The following RBM34 variants were observed in gnomAD, a reference collection of about 807,000 sequenced individuals.
The protein encoded by RBM34 is RNA binding motif protein 34.
In RBM34, 39 loss-of-function variants were observed where a neutral mutation model predicts 44.6. The ratio of observed to expected loss-of-function variants is 0.87; its 90% CI spans 0.68 to 1.14. The LOEUF is 1.14. RBM34 is among the 50% of genes most tolerant of loss of function. The pLI is 0.00. For missense variants in RBM34, 572 were observed against 517.9 expected, an observed-to-expected ratio of 1.10 and a Z score of -1.01; for synonymous variants, 194 against 184.0, an observed-to-expected ratio of 1.05 and a Z score of -0.44.
intron 10 of RBM34, among the ~76,000 whole-genome samples, chr1:235,134,334 A>G (rs954168670): frequency 7.2e-5 from 11 of 151,838 alleles, no homozygotes; most frequent in Admixed American, 2.6e-4. Context: ...TTACTTGTAT[A>G]TTTTTTTGTA....
At chr1:235,159,491 T>C (rs969130067) in intron 3 of RBM34, among the ~76,000 whole-genome samples, 4 of 148,346 alleles carry the variant, frequency 2.7e-5, no homozygotes, top group African/African-American at 1.0e-4. Context: ...GAGGTTGCAG[T>C]GAGTCAAGAT....
At chr1:235,141,098 G>A (rs34629680) in intron 6 of RBM34, among the ~76,000 whole-genome samples, 2,564 of 138,332 alleles carry the variant, frequency 0.019, 177 homozygotes, top group East Asian at 0.18. Context: ...TACACCAATC[G>A]GCACTCTGTA....
Position 235,155,034 on chromosome 1 carries a change from A to G in RBM34, c.444T>C (p.Pro148=). The change falls in exon 4 of 11, where the codon CCT becomes CCC. Residue 148 remains proline, a synonymous_variant. Transcript: ENST00000408888. ...TTTTTCTATCTGCTACTTTAACACCAGGTTGAGAATTTTTCCTTTTCTGCC... is the reference window on the plus strand; with the variant it reads ...TTTTTCTATCTGCTACTTTAACACCGGGTTGAGAATTTTTCCTTTTCTGCC... ...KQGQKRKNSQ[P]GVKVADRKIL... The G allele has an allele frequency of 4.3e-6, 7 of 1,614,028 alleles. No homozygotes were observed. Among genetic ancestry groups the G allele is most frequent in the Non-Finnish European group, 5.9e-6 (7 of 1,179,994 alleles).
rs572641037 is a variant in RBM34, at chr1:235,134,313, C to T, written c.1008+1339G>A. The stretch of plus-strand genomic sequence containing the variant: ...TGGTGGGATTACAGGCGTGAGCCAC[C>T]GCACCCAGCCTTACTTGTATATTTT... On this transcript the variant is annotated intron_variant, in intron 10 of 10. Coordinates refer to ENST00000408888, the MANE Select transcript of RBM34 (RefSeq NM_015014.4). Among the ~76,000 whole-genome samples the T allele has an allele frequency of 7.9e-5, 12 of 152,190 alleles. No individual in the cohort carries two copies. In the East Asian group the frequency reaches 1.2e-3, roughly 15 times the overall value.
chr1:235,161,144 C>T (rs1395880311), intron 1 of RBM34, 30 bp downstream of exon 1: 1 of 1,600,734 alleles, frequency 6.2e-7, no homozygotes, highest in Non-Finnish European at 8.5e-7. Context: ...CAACATCCCT[C>T]CCCAGGTACT....
intron 4 of RBM34, among the ~76,000 whole-genome samples, chr1:235,153,878 G>T (rs1447573630): frequency 6.6e-6 from 1 of 152,134 alleles, no homozygotes; most frequent in Non-Finnish European, 1.5e-5. Context: ...GTCACACAAC[G>T]GAAGAAACTC....
At position 235,147,152 on chromosome 1, in the gene RBM34, G is replaced by A. The variant is rs1007108479; in HGVS notation, c.701+1252C>T. On this transcript the variant is annotated intron_variant, in intron 6 of 10. Coordinates refer to ENST00000408888, the MANE Select transcript of RBM34 (RefSeq NM_015014.4). ...ACACTGAGATGGAAGCATCACTTGA[G>A]CCCAAAAGTTTAAGGCTACAGTGAG... Among the ~76,000 whole-genome samples the A allele has an allele frequency of 2.0e-5, 3 of 152,260 alleles. 1 individual carries two copies. Among genetic ancestry groups the A allele is most frequent in the South Asian group, 2.1e-4 (1 of 4,828 alleles).
intron 9 of RBM34, 44 bp from the exon 10 acceptor site, chr1:235,135,814 C>A: frequency 1.3e-6 from 2 of 1,524,408 alleles, no homozygotes; most frequent in Middle Eastern, 1.7e-4. Context: ...AGTTGGGAGC[C>A]CCTCAGAAAC....
At chr1:235,159,721 A>C (rs1008238095) in intron 3 of RBM34, among the ~76,000 whole-genome samples, 1 of 150,772 alleles carries the variant, frequency 6.6e-6, no homozygotes, top group Admixed American at 6.6e-5. Flanking sequence ...AACACAAAAA[A>C]TTAACCGGGC....
intron 6 of RBM34, among the ~76,000 whole-genome samples, chr1:235,140,059 T>C (rs1159707954): frequency 2.0e-5 from 3 of 152,190 alleles, no homozygotes; most frequent in African/African-American, 7.2e-5. Flanking sequence ...GAGGACGGAA[T>C]GGCCAAAGTG....
intron 10 of RBM34, among the ~76,000 whole-genome samples, chr1:235,132,384 C>T (rs530338876): frequency 7.0e-4 from 106 of 152,314 alleles, no homozygotes; most frequent in African/African-American, 2.5e-3. Flanking sequence ...TCTCGGCTCA[C>T]TGTGACCTCT....
chr1:235,134,542 C>T (rs527511440), intron 10 of RBM34, among the ~76,000 whole-genome samples: 1 of 152,190 alleles, frequency 6.6e-6, no homozygotes, highest in South Asian at 2.1e-4. Flanking sequence ...TAATTTTGTA[C>T]AAAGAATAAA....
intron 3 of RBM34, among the ~76,000 whole-genome samples, chr1:235,159,561 A>T (rs1265718716): frequency 6.6e-6 from 1 of 151,654 alleles, no homozygotes; most frequent in African/African-American, 2.4e-5. Flanking sequence ...AAAAAAAAAA[A>T]AAATTTTTTT....
chr1:235,139,238 G>C (rs1038122231), intron 6 of RBM34, among the ~76,000 whole-genome samples: 1 of 152,184 alleles, frequency 6.6e-6, no homozygotes, highest in Non-Finnish European at 1.5e-5. Context: ...CTACACAAAT[G>C]AGTATCATCA....
intron 6 of RBM34, among the ~76,000 whole-genome samples, chr1:235,148,003 C>CA: frequency 6.6e-6 from 1 of 152,114 alleles, no homozygotes. Flanking sequence ...AACCCTCAAA[C>CA]AGAGAACGCC....
At chr1:235,132,072 A>AG in intron 10 of RBM34, 75 bp from the exon 11 acceptor site, 1 of 1,347,028 alleles carries the variant, frequency 7.4e-7, no homozygotes, top group South Asian at 1.4e-5. Context: ...GTGTCACTTT[A>AG]ACAGATGAGA....
intron 6 of RBM34, among the ~76,000 whole-genome samples, chr1:235,147,370 A>C (rs1006876184): frequency 6.6e-6 from 1 of 152,246 alleles, no homozygotes; most frequent in Non-Finnish European, 1.5e-5. Flanking sequence ...TACACCTGTC[A>C]GAACCTCTGT....
chr1:235,138,857 C>T (rs1370535890), intron 6 of RBM34, among the ~76,000 whole-genome samples: 1 of 152,140 alleles, frequency 6.6e-6, no homozygotes, highest in Non-Finnish European at 1.5e-5. Flanking sequence ...ACTATTTGGC[C>T]TGCAGAATTC....
At position 235,160,991 on chromosome 1, in the gene RBM34, G is replaced by T; in HGVS notation, c.130C>A (p.Arg44Ser). 6.2e-7 allele frequency: 1 copy of T among 1,614,122 alleles called. No homozygotes were observed. Among genetic ancestry groups the T allele is most frequent in the Non-Finnish European group, 8.5e-7 (1 of 1,180,040 alleles). Reference protein sequence around the residue: ...RLGQVASSLFRGEHHSRGGTG... With the variant: ...RLGQVASSLFSGEHHSRGGTG... ...CCACCTCTGGAATGGTGTTCGCCGC[G>T]AAATAAGCTACTGGCGACCTGTCCA... Residue 44 changes from arginine to serine, a missense_variant, in exon 2 of 11, where the codon CGC (arginine) becomes AGC (serine). Physicochemically the swap from Arg to Ser is moderately radical, Grantham distance 110 (BLOSUM62 -1). Coordinates refer to ENST00000408888, the MANE Select transcript of RBM34 (RefSeq NM_015014.4).
Sources: allele counts gnomAD v4.1 joint callset (sites outside exome capture counted in the v4.1 genomes callset), GRCh38; gene constraint gnomAD v4.1.1; transcripts MANE v1.5; gene names NCBI Gene and HGNC (gene_info 2026-07-23, HGNC 2026-07-21).